Variants in DISC1 observed in about 807,000 individuals in gnomAD.
DISC1 encodes the protein DISC1 scaffold protein.
In DISC1, 57 loss-of-function variants were observed where a neutral mutation model predicts 84.5. The ratio of observed to expected loss-of-function variants is 0.67; its 90% CI spans 0.55 to 0.84. The LOEUF (loss-of-function observed/expected upper bound fraction) is 0.84, where lower values mean the gene tolerates loss of function less well. Among genes scored for constraint, DISC1 ranks in the 40% least tolerant of loss-of-function variants. The pLI is 0.00. For synonymous variants in DISC1, 411 were observed against 415.2 expected (o/e 0.99, Z 0.12); for missense variants, 1,000 against 1,057.8 (o/e 0.95, Z 0.76).
chr1:231,910,020 A>G (rs900297778), intron 9 of DISC1, among the ~76,000 whole-genome samples: 8 of 151,940 alleles, frequency 5.3e-5, no homozygotes, highest in African/African-American at 1.9e-4. Context: ...ATCGGTGGTG[A>G]TATCCCCTTT....
chr1:231,628,147 A>G (rs1156469872), intron 1 of DISC1, among the ~76,000 whole-genome samples: 2 of 152,218 alleles, frequency 1.3e-5, no homozygotes, highest in South Asian at 2.1e-4. Flanking sequence ...ATAGTAGGGC[A>G]TTTAAAAACA....
At chr1:231,995,926 A>G (rs1333429225) in intron 10 of DISC1, among the ~76,000 whole-genome samples, 2 of 151,910 alleles carry the variant, frequency 1.3e-5, no homozygotes, top group African/African-American at 4.8e-5. Context: ...ACTGACTTCC[A>G]CAATGGTTGA....
chr1:231,781,235 G>A (rs755830369), intron 6 of DISC1, among the ~76,000 whole-genome samples: 1 of 148,724 alleles, frequency 6.7e-6, no homozygotes, highest in Non-Finnish European at 1.5e-5. Flanking sequence ...TAACATTTAC[G>A]ATGATTTTTG....
chr1:232,038,335 A>G lies in DISC1; in HGVS notation c.*1504A>G, dbSNP rs1178877946. On this transcript the variant is annotated 3_prime_UTR_variant, in exon 13 of 13. Coordinates refer to ENST00000439617, the MANE Select transcript of DISC1 (RefSeq NM_018662.3). ...TGGGACTCCTATTGAGACAGCTGCA[A>G]AACAGGCTGATTTCAATTAGGCAGC... The G allele has an allele frequency of 6.6e-6, 1 of 152,178 alleles. No homozygotes were observed. The highest frequency in any genetic ancestry group is 1.5e-5 in the Non-Finnish European group (1 of 68,030). 9.4% of individuals were successfully genotyped at this position (152,178 alleles called of 1,614,324 possible).
At chr1:231,825,339 G>A (rs2081787676) in intron 9 of DISC1, among the ~76,000 whole-genome samples, 1 of 152,126 alleles carries the variant, frequency 6.6e-6, no homozygotes. Flanking sequence ...TTGACTCTAT[G>A]TAATAGGGTG....
At chr1:231,939,274 G>A (rs1011953584) in intron 9 of DISC1, among the ~76,000 whole-genome samples, 2 of 152,190 alleles carry the variant, frequency 1.3e-5, no homozygotes, top group Non-Finnish European at 2.9e-5. Flanking sequence ...CACCGTCATA[G>A]CTCTAGCTGT....
chr1:231,762,421 A>G lies in DISC1; in HGVS notation c.1269-4719A>G, dbSNP rs957546566. On this transcript the variant is annotated intron_variant, in intron 4 of 12. Coordinates refer to ENST00000439617, the MANE Select transcript of DISC1 (RefSeq NM_018662.3). Reference sequence around the variant, plus strand: ...ATGATCATAGCTCACTGCAGCCTCTAACTCCTGGGCTCAAGTGATCCTGCC... The same window carrying G: ...ATGATCATAGCTCACTGCAGCCTCTGACTCCTGGGCTCAAGTGATCCTGCC... 3.8e-4 allele frequency among the ~76,000 whole-genome samples: 58 copies of G among 151,302 alleles called. 2 individuals carry two copies. The highest frequency in any genetic ancestry group is 1.4e-3 in the African/African-American group (56 of 41,198).
At chr1:231,942,589 T>TG (rs1476881750) in intron 9 of DISC1, among the ~76,000 whole-genome samples, 9 of 152,034 alleles carry the variant, frequency 5.9e-5, no homozygotes, top group Non-Finnish European at 1.2e-4. Flanking sequence ...TGCTTGGACC[T>TG]GGGAGGCAGA....
At chr1:231,722,009 C>T (rs551502833) in intron 3 of DISC1, among the ~76,000 whole-genome samples, 1 of 151,910 alleles carries the variant, frequency 6.6e-6, no homozygotes, top group East Asian at 1.9e-4. Context: ...AAAAATTAGC[C>T]GGGTGTGGTG....
chr1:231,682,917 C>T (rs1015781270), intron 1 of DISC1, among the ~76,000 whole-genome samples: 3 of 152,340 alleles, frequency 2.0e-5, no homozygotes, highest in South Asian at 2.1e-4. Flanking sequence ...CCCTTAAACA[C>T]GAAGTGGGCT....
chr1:231,770,246 T>G (rs535816944), intron 5 of DISC1, among the ~76,000 whole-genome samples: 2 of 151,714 alleles, frequency 1.3e-5, no homozygotes, highest in East Asian at 3.9e-4. Context: ...AATGATATTT[T>G]ATGGATTATT....
intron 9 of DISC1, among the ~76,000 whole-genome samples, chr1:231,834,582 C>G (rs2082491475): frequency 6.6e-6 from 1 of 151,966 alleles, no homozygotes; most frequent in Non-Finnish European, 1.5e-5. Flanking sequence ...GGTCAAGCGG[C>G]ATCGCAGAAG....
chr1:232,011,079 C>T (rs1036483528), intron 11 of DISC1, among the ~76,000 whole-genome samples: 7 of 152,192 alleles, frequency 4.6e-5, no homozygotes, highest in Admixed American at 6.5e-5. Flanking sequence ...CTCCCTCCTT[C>T]TCTGCCCTGC....
At chr1:231,798,113 C>CACACACACA (rs1553353422) in intron 7 of DISC1, among the ~76,000 whole-genome samples, 3 of 147,184 alleles carry the variant, frequency 2.0e-5, no homozygotes, top group Admixed American at 6.8e-5. Context: ...GTTAGACACA[C>CACACACACA]CACACACACA....
At chr1:231,920,124 C>T (rs1416943581) in intron 9 of DISC1, among the ~76,000 whole-genome samples, 1 of 152,198 alleles carries the variant, frequency 6.6e-6, no homozygotes, top group Non-Finnish European at 1.5e-5. Flanking sequence ...TCAAAAATGT[C>T]TCCAGACCTT....
chr1:231,886,766 C>CCTTCCTTCCTTTCTTT (rs1322835316), intron 9 of DISC1, among the ~76,000 whole-genome samples: 6 of 84,380 alleles, frequency 7.1e-5, no homozygotes, highest in Admixed American at 2.4e-4. Flanking sequence ...TTCCTTCCTT[C>CCTTCCTTCCTTTCTTT]CTTTCTTTCT....
At chr1:231,918,582 A>G (rs1178766475) in intron 9 of DISC1, among the ~76,000 whole-genome samples, 1 of 152,234 alleles carries the variant, frequency 6.6e-6, no homozygotes, top group Admixed American at 6.5e-5. Context: ...ATAGAACATT[A>G]TTTTGGAATA....
chr1:231,771,273 C>T, intron 6 of DISC1: 1 of 983,980 alleles, frequency 1.0e-6, no homozygotes, highest in Non-Finnish European at 1.2e-6. Context: ...ACATCCTGGC[C>T]ACTTAACCCA....
intron 9 of DISC1, among the ~76,000 whole-genome samples, chr1:231,841,020 G>T (rs1277879247): frequency 1.3e-5 from 2 of 152,110 alleles, no homozygotes; most frequent in East Asian, 3.9e-4. Context: ...ATTACAGGTC[G>T]AACATTCCTA....
Sources: allele counts gnomAD v4.1 joint callset (sites outside exome capture counted in the v4.1 genomes callset), GRCh38; gene constraint gnomAD v4.1.1; transcripts MANE v1.5; gene names NCBI Gene and HGNC (gene_info 2026-07-23, HGNC 2026-07-21).